Variants in MOGAT3 observed in about 807,000 individuals in gnomAD.
The protein encoded by MOGAT3 is 2-acylglycerol O-acyltransferase 3.
MOGAT3 carries 39 observed loss-of-function variants against 34.4 expected under a neutral mutation model. That is an observed-to-expected ratio of 1.13 (90% CI 0.88 to 1.48). The LOEUF (loss-of-function observed/expected upper bound fraction) is 1.48. Ranked by LOEUF, MOGAT3 falls within the 40% of genes most tolerant of loss-of-function variation. The probability of loss-of-function intolerance (pLI) is 0.00; values close to 1 mark genes in which losing one functional copy is unlikely to be tolerated. For missense variants in MOGAT3, 439 were observed against 438.9 expected (o/e 1.00, Z 0.00); for synonymous variants, 209 against 179.2 (o/e 1.17, Z -1.33).
chr7:101,198,818 C>T lies in MOGAT3; in HGVS notation c.301G>A (p.Ala101Thr), dbSNP rs1489473435. ...TAGTTCCGATCCGGGGGCAGCTCTGCTGTTTTCACCAGCTTCGGGGTGTTG... is the reference window on the plus strand; with the variant it reads ...TAGTTCCGATCCGGGGGCAGCTCTGTTGTTTTCACCAGCTTCGGGGTGTTG... The part of the protein sequence containing the change: ...DYYPVKLVKT[A>T]ELPPDRNYVL... Residue 101 changes from alanine (A) to threonine (T), a missense_variant, in exon 4 of 7, where the codon GCA becomes ACA. Physicochemically the swap from Ala to Thr is moderately conservative, Grantham distance 58 (BLOSUM62 0). Transcript: ENST00000223114. The T allele has an allele frequency of 3.7e-6, 6 of 1,613,898 alleles. No homozygotes were observed. The African/African-American group carries it at 4.0e-5, about 11-fold the overall frequency.
intron 5 of MOGAT3, among the ~76,000 whole-genome samples, chr7:101,196,723 G>T (rs1032321288): frequency 1.3e-5 from 2 of 152,106 alleles, no homozygotes; most frequent in African/African-American, 4.8e-5. Flanking sequence ...ATAAAAATTA[G>T]CCAGGTGTGG....
chr7:101,199,732 G>T (rs928509104), intron 3 of MOGAT3, among the ~76,000 whole-genome samples: 2 of 150,182 alleles, frequency 1.3e-5, no homozygotes, highest in Admixed American at 6.6e-5. Context: ...CTCCCACCTC[G>T]GCCTCCCAAA....
At position 101,198,846 on chromosome 7, in the gene MOGAT3, CA is replaced by C; in HGVS notation, c.289-17del. On this transcript the variant is annotated splice_polypyrimidine_tract_variant and intron_variant, in intron 3 of 6. Coordinates refer to ENST00000223114, the MANE Select transcript of MOGAT3 (RefSeq NM_178176.4). ...TTTTCACCAGCTTCGGGGTGTTGAG[CA>C]GGATGAAGGGAGGATGGAAGGCAAG... 1.2e-6 allele frequency: 2 copies of C among 1,612,922 alleles called. No homozygotes were observed. Among genetic ancestry groups the C allele is most frequent in the Non-Finnish European group, 1.7e-6 (2 of 1,179,196 alleles).
Position 101,196,003 on chromosome 7 carries a change from G to A in MOGAT3, c.969C>T (p.Phe323=), listed in dbSNP as rs1325338403. 20 of 1,614,006 alleles carry A rather than the reference G, an allele frequency of 1.2e-5. No individual in the cohort carries two copies. The highest frequency in any genetic ancestry group is 6.7e-5 in the Admixed American group (4 of 59,994). ...CCCCACAGCTTTCCTTGTGCTCCTCGAAGAGCTGCTCCAGGGCCGTCATGT... is the reference window on the plus strand; with the variant it reads ...CCCCACAGCTTTCCTTGTGCTCCTCAAAGAGCTGCTCCAGGGCCGTCATGT... ...ALYMTALEQL[F]EEHKESCGVP... Residue 323 remains phenylalanine, a synonymous_variant, in exon 7 of 7, where the codon TTC becomes TTT. Transcript: ENST00000223114.
intron 3 of MOGAT3, 82 bp downstream of exon 3, chr7:101,200,152 C>T: frequency 8.1e-7 from 1 of 1,232,576 alleles, no homozygotes; most frequent in East Asian, 2.3e-5. Flanking sequence ...GAGCTCAGGC[C>T]CCAGCACAAG....
At position 101,201,019 on chromosome 7, in the gene MOGAT3, G is replaced by A. The variant is rs542361440; in HGVS notation, c.-165C>T. On this transcript the variant is annotated 5_prime_UTR_variant, in exon 1 of 7. Coordinates refer to ENST00000223114, the MANE Select transcript of MOGAT3 (RefSeq NM_178176.4). Reference sequence around the variant, plus strand: ...GTAGCGTGTGTCCGTAGGTGTGTGAGTGGGGAGATCTTTGGATCCAGAGCC... The same window carrying A: ...GTAGCGTGTGTCCGTAGGTGTGTGAATGGGGAGATCTTTGGATCCAGAGCC... 1.3e-3 allele frequency: 729 copies of A among 565,626 alleles called. 13 individuals carry two copies. In the South Asian group the frequency reaches 0.016, roughly 12 times the overall value. 35.0% of individuals were successfully genotyped at this position (565,626 alleles called of 1,614,324 possible). A position where few individuals can be genotyped will look rare whatever the true frequency, so the allele number is the denominator to read the frequency against.
intron 5 of MOGAT3, among the ~76,000 whole-genome samples, chr7:101,197,009 A>G (rs1394199234): frequency 1.3e-5 from 2 of 151,882 alleles, no homozygotes; most frequent in African/African-American, 4.8e-5. Flanking sequence ...CTAAAAATAC[A>G]AAAATTAGCC....
At position 101,195,834 on chromosome 7, in the gene MOGAT3, T is replaced by C. The variant is rs1482137102; in HGVS notation, c.*112A>G. The C allele has an allele frequency of 5.7e-5, 69 of 1,209,736 alleles. No individual in the cohort carries two copies. The East Asian group carries it at 1.5e-3, about 26-fold the overall frequency. The allele number at this position is 1,209,736 out of a possible 1,614,324, so 74.9% of individuals were successfully genotyped here. A position where few individuals can be genotyped will look rare whatever the true frequency, so the allele number is the denominator to read the frequency against. ...TCCCAAAGTGCTGGGATTACAGGCA[T>C]GAGGCACTGCGCTGGGCCCAGAACT... On this transcript the variant is annotated 3_prime_UTR_variant, in exon 7 of 7. Transcript: ENST00000223114.
At position 101,200,324 on chromosome 7, in the gene MOGAT3, G is replaced by A; in HGVS notation, c.218-20C>T. Reference sequence around the variant, plus strand: ...TTCCACCTGCGGACAATGAGATACTGGTGGACGAACCCCCGGAGTCACCTC... The same window carrying A: ...TTCCACCTGCGGACAATGAGATACTAGTGGACGAACCCCCGGAGTCACCTC... On this transcript the variant is annotated intron_variant, in intron 2 of 6. Transcript: ENST00000223114. 2.5e-6 allele frequency: 4 copies of A among 1,613,610 alleles called. No individual in the cohort carries two copies. The highest frequency in any genetic ancestry group is 3.4e-6 in the Non-Finnish European group (4 of 1,179,610).
Position 101,198,547 on chromosome 7 carries a change from G to T in MOGAT3, c.493+79C>A, listed in dbSNP as rs556193834. 8.9e-5 allele frequency: 45 copies of T among 504,006 alleles called. No individual in the cohort carries two copies. In the African/African-American group the frequency reaches 5.3e-3, roughly 60 times the overall value. 31.2% of individuals were successfully genotyped at this position (504,006 alleles called of 1,614,324 possible). On this transcript the variant is annotated intron_variant, in intron 4 of 6. Coordinates refer to ENST00000223114, the MANE Select transcript of MOGAT3 (RefSeq NM_178176.4). ...CTGTCCTGGGTGGGGGACTTATTAT[G>T]GGGGGGGGTGGTCCCAGAGGGGCTG...
intron 1 of MOGAT3, 28 bp downstream of exon 1, chr7:101,200,718 C>A: frequency 1.3e-6 from 2 of 1,595,708 alleles, no homozygotes; most frequent in Non-Finnish European, 1.7e-6. Flanking sequence ...TGGCAGACCC[C>A]AGGCACCCAC....
In MOGAT3 at chr7:101,200,312, CAAT is replaced by C; in HGVS notation, c.218-11_218-9del. ...ACTCCGAACGCCTTCCACCTGCGGACAATGAGATACTGGTGGACGAACCCCCGG... is the reference window on the plus strand; with the variant it reads ...ACTCCGAACGCCTTCCACCTGCGGACGAGATACTGGTGGACGAACCCCCGG... On this transcript the variant is annotated splice_polypyrimidine_tract_variant and intron_variant, in intron 2 of 6. Transcript: ENST00000223114. 1 of 1,613,948 alleles carries C rather than the reference CAAT, an allele frequency of 6.2e-7. No homozygotes were observed. The highest frequency in any genetic ancestry group is 8.5e-7 in the Non-Finnish European group (1 of 1,179,856).
Position 101,196,399 on chromosome 7 carries a change from A to G in MOGAT3, c.669-10T>C. The G allele has an allele frequency of 3.8e-6, 6 of 1,597,800 alleles. No homozygotes were observed. Among genetic ancestry groups the G allele is most frequent in the Non-Finnish European group, 5.1e-6 (6 of 1,170,902 alleles). ...GGGCACCAGGGACGCCCTGGGAAGG[A>G]GCAAGAGAGAAGAGGGGGCTCAGGC... On this transcript the variant is annotated splice_polypyrimidine_tract_variant and intron_variant, in intron 5 of 6. Coordinates refer to ENST00000223114, the MANE Select transcript of MOGAT3 (RefSeq NM_178176.4).
chr7:101,193,728 T>G (rs1047148652), downstream of MOGAT3, among the ~76,000 whole-genome samples: 2 of 152,040 alleles, frequency 1.3e-5, no homozygotes, highest in African/African-American at 4.8e-5. Flanking sequence ...ATGCCTGGCC[T>G]GAACGAAACA....
At position 101,197,045 on chromosome 7, in the gene MOGAT3, C is replaced by A. The variant is rs114461676; in HGVS notation, c.669-656G>T. Reference sequence around the variant, plus strand: ...AGACGTGGTGACGTGCACCTGTAGTCCCAGGTACTTCAGAGGCTTGAACTC... The same window carrying A: ...AGACGTGGTGACGTGCACCTGTAGTACCAGGTACTTCAGAGGCTTGAACTC... On this transcript the variant is annotated intron_variant, in intron 5 of 6. Coordinates refer to ENST00000223114, the MANE Select transcript of MOGAT3 (RefSeq NM_178176.4). 7.6e-3 allele frequency among the ~76,000 whole-genome samples: 1,152 copies of A among 151,984 alleles called. 14 individuals are homozygous for A. Among genetic ancestry groups the A allele is most frequent in the African/African-American group, 0.026 (1,087 of 41,450 alleles).
chr7:101,198,264 A>G lies in MOGAT3; in HGVS notation c.595T>C (p.Tyr199His). The G allele has an allele frequency of 6.2e-7, 1 of 1,612,800 alleles. No homozygotes were observed. Among genetic ancestry groups the G allele is most frequent in the South Asian group, 1.1e-5 (1 of 90,984 alleles). The change falls in exon 5 of 7, where the codon TAT becomes CAT. Residue 199 changes from tyrosine (Y) to histidine (H), a missense_variant. Physicochemically the swap from Tyr to His is moderately conservative, Grantham distance 83 (BLOSUM62 2). Transcript: ENST00000223114. ...AGGCAGTGCTCCCCGGGGACTGAATACAGGGCCTCGTGCGCACCCCCCACC... is the reference window on the plus strand; with the variant it reads ...AGGCAGTGCTCCCCGGGGACTGAATGCAGGGCCTCGTGCGCACCCCCCACC... ...IMVGGAHEAL[Y>H]SVPGEHCLTL...
chr7:101,198,575 G>T, intron 4 of MOGAT3, 51 bp downstream of exon 4: 1 of 1,562,542 alleles, frequency 6.4e-7, no homozygotes, highest in South Asian at 1.1e-5. Context: ...AGGGGCTGGG[G>T]AACATCTGGT....
At chr7:101,196,606 C>T (rs1460443670) in intron 5 of MOGAT3, among the ~76,000 whole-genome samples, 2 of 152,142 alleles carry the variant, frequency 1.3e-5, no homozygotes, top group Non-Finnish European at 2.9e-5. Context: ...CTTGTAACCA[C>T]ACCTGTAATC....
rs12674140 is a variant in MOGAT3, at chr7:101,200,730, C to A, written c.109+16G>T. ...CCCTGGCAGACCCCAGGCACCCACG[C>A]CTCCCCAGCTCTCACCCATGAAGAG... On this transcript the variant is annotated intron_variant, in intron 1 of 6. Transcript: ENST00000223114. The A allele has an allele frequency of 1.2e-6, 2 of 1,608,138 alleles. No individual in the cohort carries two copies. Among genetic ancestry groups the A allele is most frequent in the Non-Finnish European group, 1.7e-6 (2 of 1,175,624 alleles).
Sources: gnomAD v4.1 joint callset for allele counts (sites outside exome capture counted in the v4.1 genomes callset) on GRCh38, gnomAD v4.1.1 for gene constraint, MANE v1.5 for transcripts, NCBI Gene and HGNC (gene_info 2026-07-23, HGNC 2026-07-21) for gene names.